Variants in ANGPT4 observed in about 807,000 individuals in gnomAD.
ANGPT4 encodes the protein angiopoietin-4.
In ANGPT4, 50 loss-of-function variants were observed where a neutral mutation model predicts 53.0. The ratio of observed to expected loss-of-function variants is 0.94; its 90% CI spans 0.75 to 1.20. The LOEUF is 1.20. Among genes scored for constraint, ANGPT4 ranks in the 50% most tolerant of loss-of-function variants. ANGPT4 has a pLI of 0.00. For synonymous variants in ANGPT4, 251 were observed against 259.7 expected, an observed-to-expected ratio of 0.97 and a Z score of 0.32; for missense variants, 648 against 637.1, an observed-to-expected ratio of 1.02 and a Z score of -0.18.
chr20:874,496 CTT>C, intron 7 of ANGPT4, 82 bp from the exon 8 acceptor site: 1 of 1,568,142 alleles, frequency 6.4e-7, no homozygotes, highest in East Asian at 2.3e-5. Flanking sequence ...TCCCCAGTGG[CTT>C]TGTCCCAGGC....
At chr20:888,803 C>T (rs1017470644) in intron 2 of ANGPT4, among the ~76,000 whole-genome samples, 1 of 152,210 alleles carries the variant, frequency 6.6e-6, no homozygotes, top group South Asian at 2.1e-4. Context: ...ACTGCTCCCT[C>T]ATTGCTTGCA....
At chr20:905,867 T>A (rs896408358) in intron 1 of ANGPT4, among the ~76,000 whole-genome samples, 1 of 152,176 alleles carries the variant, frequency 6.6e-6, no homozygotes, top group Admixed American at 6.5e-5. Context: ...GCCCTACAAA[T>A]ACAGCTCATT....
intron 2 of ANGPT4, among the ~76,000 whole-genome samples, chr20:889,749 G>A (rs1189155676): frequency 6.6e-6 from 1 of 152,144 alleles, no homozygotes; most frequent in Non-Finnish European, 1.5e-5. Flanking sequence ...GCACAAACTT[G>A]TGTCTATTTG....
intron 2 of ANGPT4, 79 bp from the exon 3 acceptor site, chr20:888,518 G>A (rs964416632): frequency 6.7e-6 from 10 of 1,503,418 alleles, no homozygotes; most frequent in Middle Eastern, 2.0e-4. Flanking sequence ...CTGCCCACAG[G>A]CCCTGCCACT....
chr20:900,992 C>G (rs1982262582), intron 1 of ANGPT4, among the ~76,000 whole-genome samples: 1 of 152,162 alleles, frequency 6.6e-6, no homozygotes, highest in East Asian at 1.9e-4. Context: ...CTTCTAACAA[C>G]CCCACAATGT....
At chr20:913,440 G>C (rs1982786748) in intron 1 of ANGPT4, among the ~76,000 whole-genome samples, 1 of 152,176 alleles carries the variant, frequency 6.6e-6, no homozygotes, top group South Asian at 2.1e-4. Flanking sequence ...AGCCAGGTCA[G>C]CTGAACTCCC....
At chr20:873,527 T>C (rs1332426682) in intron 8 of ANGPT4, among the ~76,000 whole-genome samples, 1 of 152,090 alleles carries the variant, frequency 6.6e-6, no homozygotes, top group Non-Finnish European at 1.5e-5. Flanking sequence ...TTCTCTCTTA[T>C]GGTCTCTGTG....
intron 4 of ANGPT4, among the ~76,000 whole-genome samples, chr20:884,004 C>A (rs1981509887): frequency 6.6e-6 from 1 of 152,226 alleles, no homozygotes; most frequent in South Asian, 2.1e-4. Context: ...TCCCTGTCAG[C>A]CCTGGTGGTG....
At chr20:900,989 CA>C (rs1175977385) in intron 1 of ANGPT4, among the ~76,000 whole-genome samples, 1 of 152,174 alleles carries the variant, frequency 6.6e-6, no homozygotes, top group Non-Finnish European at 1.5e-5. Context: ...CTCCTTCTAA[CA>C]ACCCCACAAT....
chr20:880,569 C>T (rs866156016), intron 5 of ANGPT4, among the ~76,000 whole-genome samples: 4 of 151,152 alleles, frequency 2.6e-5, no homozygotes, highest in South Asian at 4.2e-4. Context: ...GCCTGGGCAC[C>T]AGAGCAAGAC....
intron 1 of ANGPT4, 39 bp from the exon 2 acceptor site, chr20:890,407 G>A (rs751261151): frequency 7.6e-6 from 12 of 1,568,870 alleles, no homozygotes; most frequent in African/African-American, 2.7e-5. Context: ...GGGGAGGGGC[G>A]GGGGAAGCCC....
In ANGPT4 at chr20:911,116, C is replaced by T. The variant is rs564800609; in HGVS notation, c.309+4790G>A. 6.6e-6 allele frequency among the ~76,000 whole-genome samples: 1 copy of T among 152,268 alleles called. No individual in the cohort carries two copies. Among genetic ancestry groups the T allele is most frequent in the African/African-American group, 2.4e-5 (1 of 41,544 alleles). ...TGGGAAGGCTGGGGCAACTGGAACC[C>T]TGACTCCCAAACCAGGTCAGTTTGG... On this transcript the variant is annotated intron_variant, in intron 1 of 8. Coordinates refer to ENST00000381922, the MANE Select transcript of ANGPT4 (RefSeq NM_015985.4). This position sits in a 1 kb window ranked among gnomAD's most constrained non-coding sequence, Gnocchi z 4.9.
chr20:884,990 C>G, intron 4 of ANGPT4, 88 bp downstream of exon 4: 1 of 1,543,752 alleles, frequency 6.5e-7, no homozygotes. Flanking sequence ...GGCTCCCAGG[C>G]GCCCAGAGAC....
In ANGPT4 at chr20:885,060, C is replaced by A; in HGVS notation, c.835+18G>T. The stretch of plus-strand genomic sequence containing the variant: ...CTGCCCGTCTTTAGCCACACTGGGG[C>A]GCACACCGCTCACTCACCCGGGGCC... On this transcript the variant is annotated intron_variant, in intron 4 of 8. Transcript: ENST00000381922. 6.2e-7 allele frequency: 1 copy of A among 1,613,256 alleles called. No individual in the cohort carries two copies. Among genetic ancestry groups the A allele is most frequent in the South Asian group, 1.1e-5 (1 of 90,860 alleles).
chr20:874,210 C>G (rs1286534965), intron 8 of ANGPT4, 74 bp downstream of exon 8: 8 of 1,587,214 alleles, frequency 5.0e-6, no homozygotes, highest in Non-Finnish European at 2.6e-6. Flanking sequence ...CGCACAAGAA[C>G]CTGGGGAGGG....
chr20:891,421 G>C (rs1169944134), intron 1 of ANGPT4, among the ~76,000 whole-genome samples: 1 of 152,186 alleles, frequency 6.6e-6, no homozygotes, highest in Non-Finnish European at 1.5e-5. Flanking sequence ...AAGGGCAGGA[G>C]AGCTGGTCTG....
chr20:875,840 C>G (rs952108965), intron 7 of ANGPT4, among the ~76,000 whole-genome samples: 1 of 151,994 alleles, frequency 6.6e-6, no homozygotes, highest in African/African-American at 2.4e-5. Flanking sequence ...TTAAGAAGGT[C>G]CTGCTGAGGC....
At chr20:880,088 A>G (rs1981341576) in intron 5 of ANGPT4, among the ~76,000 whole-genome samples, 1 of 152,310 alleles carries the variant, frequency 6.6e-6, no homozygotes, top group African/African-American at 2.4e-5. Flanking sequence ...GGAGATTCAT[A>G]CCTTAACCTC....
At chr20:905,666 G>A (rs1982450786) in intron 1 of ANGPT4, among the ~76,000 whole-genome samples, 1 of 151,736 alleles carries the variant, frequency 6.6e-6, no homozygotes, top group Admixed American at 6.5e-5. Flanking sequence ...CAGGAGGAAT[G>A]TTCTAGAAAT....
Sources: allele counts gnomAD v4.1 joint callset (sites outside exome capture counted in the v4.1 genomes callset), GRCh38; gene constraint gnomAD v4.1.1; non-coding constraint Gnocchi (gnomAD v3.1); transcripts MANE v1.5; gene names NCBI Gene and HGNC (gene_info 2026-07-23, HGNC 2026-07-21).